GALNT13: variants seen among roughly 807,000 people sequenced by gnomAD.
GALNT13 encodes the protein polypeptide N-acetylgalactosaminyltransferase 13.
Under a neutral mutation model 64.2 loss-of-function variants are expected in GALNT13, and 28 were observed. The observed-to-expected ratio is 0.44, with a 90% confidence interval of 0.32 to 0.60. GALNT13 has a LOEUF of 0.60. Among genes scored for constraint, GALNT13 ranks in the 20% least tolerant of loss-of-function variants. GALNT13 has a pLI of 0.05. For missense variants in GALNT13, 577 were observed against 669.8 expected, an observed-to-expected ratio of 0.86 and a Z score of 1.53; for synonymous variants, 214 against 224.6, an observed-to-expected ratio of 0.95 and a Z score of 0.42.
the GALNT13 span, among the ~76,000 whole-genome samples, chr2:153,454,863 A>C: frequency 6.6e-6 from 1 of 152,378 alleles, no homozygotes; most frequent in African/African-American, 2.4e-5. Flanking sequence ...TAGTTATATA[A>C]ATCATTCATG....
the GALNT13 span, among the ~76,000 whole-genome samples, chr2:153,634,542 C>CTTTTT: frequency 3.8e-4 from 35 of 91,232 alleles, no homozygotes; most frequent in African/African-American, 6.4e-4. Context: ...AGATGGAAAT[C>CTTTTT]TTTTTTTTTT....
chr2:154,438,712 G>A lies in GALNT13; in HGVS notation c.1516G>A (p.Glu506Lys). The change falls in exon 12 of 13, where the codon GAA becomes AAA. Residue 506 changes from glutamate (E) to lysine (K), a missense_variant. By Grantham distance (56) the Glu-to-Lys change is moderately conservative. This residue lies in a region of GALNT13 where 232 missense variants were observed against 270.6 expected (regional missense o/e 0.86). Transcript: ENST00000392825. ...CHHMRGNQLW[E>K]YDAERLTLRH... ...CCATATGAGAGGAAATCAGTTATGGGAATATGATGCTGAGGTATAGTATTT... is the reference window on the plus strand; with the variant it reads ...CCATATGAGAGGAAATCAGTTATGGAAATATGATGCTGAGGTATAGTATTT... The A allele has an allele frequency of 6.2e-7, 1 of 1,608,960 alleles. No individual in the cohort carries two copies.
intron 9 of GALNT13, among the ~76,000 whole-genome samples, chr2:154,322,247 A>G (rs915463948): frequency 3.2e-5 from 4 of 125,734 alleles, no homozygotes; most frequent in Admixed American, 2.1e-4. Context: ...GTAAAGGATT[A>G]TTTCTAATTC....
the GALNT13 span, among the ~76,000 whole-genome samples, chr2:153,250,947 G>T: frequency 6.6e-6 from 1 of 152,192 alleles, no homozygotes; most frequent in Non-Finnish European, 1.5e-5. Flanking sequence ...AAACCTAGAT[G>T]ACAGATTGAT....
At chr2:153,630,799 ATATATATAT>A in the GALNT13 span, among the ~76,000 whole-genome samples, 132 of 16,166 alleles carry the variant, frequency 8.2e-3, 2 homozygotes, top group South Asian at 0.039. Context: ...ATATATATAT[ATATATATAT>A]TTTTTTTTTT....
At chr2:153,438,692 C>A in the GALNT13 span, among the ~76,000 whole-genome samples, 1 of 152,310 alleles carries the variant, frequency 6.6e-6, no homozygotes, top group African/African-American at 2.4e-5. Context: ...CCTTTAAGGA[C>A]TTCTCTGCAT....
At chr2:154,311,031 A>G (rs1694007929) in intron 9 of GALNT13, among the ~76,000 whole-genome samples, 1 of 112,652 alleles carries the variant, frequency 8.9e-6, no homozygotes, top group Admixed American at 8.4e-5. Context: ...ACTTAAATTT[A>G]TTAGATCAAT....
chr2:153,316,639 C>CAAAAA, the GALNT13 span, among the ~76,000 whole-genome samples: 30 of 69,850 alleles, frequency 4.3e-4, 1 homozygote, highest in South Asian at 5.8e-4. Flanking sequence ...GACTCCGTCT[C>CAAAAA]AAAAAAAAAA....
the GALNT13 span, among the ~76,000 whole-genome samples, chr2:153,821,671 G>T: frequency 2.0e-5 from 3 of 152,072 alleles, no homozygotes; most frequent in South Asian, 6.2e-4. Flanking sequence ...ATACCTAGAA[G>T]AAATAGTAAA....
At chr2:154,032,620 A>C (rs1698407921) in intron 3 of GALNT13, among the ~76,000 whole-genome samples, 1 of 151,976 alleles carries the variant, frequency 6.6e-6, no homozygotes, top group African/African-American at 2.4e-5. Flanking sequence ...TTAGAAAATC[A>C]ATGTAATTAA....
At chr2:154,004,567 A>G (rs1696127651) in intron 3 of GALNT13, among the ~76,000 whole-genome samples, 1 of 152,186 alleles carries the variant, frequency 6.6e-6, no homozygotes, top group South Asian at 2.1e-4. Context: ...CTTAAAATGA[A>G]TATGAGTCAG....
chr2:154,357,616 G>T (rs993828241), intron 9 of GALNT13, among the ~76,000 whole-genome samples: 1 of 152,028 alleles, frequency 6.6e-6, no homozygotes, highest in Admixed American at 6.6e-5. Context: ...ATGACATTAG[G>T]CAAGCTTATC....
chr2:154,392,104 GA>G (rs900135439), intron 9 of GALNT13, among the ~76,000 whole-genome samples: 13 of 152,104 alleles, frequency 8.5e-5, no homozygotes, highest in Non-Finnish European at 1.8e-4. Flanking sequence ...TGTAAAGAAT[GA>G]AAAAAAGTGG....
At chr2:153,492,364 A>G in the GALNT13 span, among the ~76,000 whole-genome samples, 3 of 152,228 alleles carry the variant, frequency 2.0e-5, no homozygotes, top group Non-Finnish European at 1.5e-5. Context: ...TCTGACAGAC[A>G]TGAGAACACC....
the GALNT13 span, among the ~76,000 whole-genome samples, chr2:153,838,525 C>A: frequency 2.0e-4 from 31 of 151,948 alleles, 1 homozygote; most frequent in African/African-American, 7.2e-4. Flanking sequence ...GGCCCTTTCC[C>A]CATTGTGTAT....
At chr2:153,957,098 C>T (rs1019370061) in intron 3 of GALNT13, among the ~76,000 whole-genome samples, 2 of 152,064 alleles carry the variant, frequency 1.3e-5, no homozygotes, top group African/African-American at 4.8e-5. Flanking sequence ...ATTTATAAAC[C>T]AATTTGATAG....
chr2:154,380,517 C>T (rs1019495434), intron 9 of GALNT13, among the ~76,000 whole-genome samples: 1 of 151,852 alleles, frequency 6.6e-6, no homozygotes, highest in Non-Finnish European at 1.5e-5. Context: ...ACCTAAACAA[C>T]CTTATAGTCA....
the GALNT13 span, among the ~76,000 whole-genome samples, chr2:153,695,991 G>C: frequency 1.3e-5 from 2 of 152,068 alleles, no homozygotes; most frequent in African/African-American, 4.8e-5. Flanking sequence ...TCTCTAGAGG[G>C]ACAGAACCAA....
At chr2:154,135,049 A>G (rs1035248080) in intron 3 of GALNT13, among the ~76,000 whole-genome samples, 1 of 152,192 alleles carries the variant, frequency 6.6e-6, no homozygotes, top group Non-Finnish European at 1.5e-5. Context: ...AAAATTCAGC[A>G]TATATGAATG....
Sources: allele counts gnomAD v4.1 joint callset (sites outside exome capture counted in the v4.1 genomes callset), GRCh38; gene constraint gnomAD v4.1.1; regional missense constraint gnomAD v4.1.1; transcripts MANE v1.5; gene names NCBI Gene and HGNC (gene_info 2026-07-23, HGNC 2026-07-21).